The following SOX5 variants were observed in gnomAD, a reference collection of about 807,000 sequenced individuals.
The protein encoded by SOX5 is SRY-box transcription factor 5.
SOX5 carries 9 observed loss-of-function variants against 92.0 expected under a neutral mutation model. The observed-to-expected ratio is 0.10, with a 90% CI of 0.06 to 0.17. The LOEUF is 0.17. Among genes scored for constraint, SOX5 ranks in the 10% least tolerant of loss-of-function variants. SOX5 has a pLI of 1.00. For synonymous variants in SOX5, 344 were observed against 336.3 expected (o/e 1.02, Z -0.25); for missense variants, 642 against 944.5 (o/e 0.68, Z 4.20).
chr12:24,181,209 C>T (rs1458716494), intron 4 of SOX5, among the ~76,000 whole-genome samples: 2 of 152,178 alleles, frequency 1.3e-5, no homozygotes, highest in African/African-American at 4.8e-5. Flanking sequence ...TCACCGTAAA[C>T]ACTGACTTTT....
chr12:23,857,731 C>T (rs1280341928), intron 2 of SOX5, among the ~76,000 whole-genome samples: 3 of 146,386 alleles, frequency 2.0e-5, no homozygotes, highest in Non-Finnish European at 3.0e-5. Flanking sequence ...GAAGTTTTTT[C>T]TTTCTTTTTT....
intron 2 of SOX5, among the ~76,000 whole-genome samples, chr12:24,353,039 G>A (rs963442543): frequency 6.6e-6 from 1 of 152,188 alleles, no homozygotes; most frequent in African/African-American, 2.4e-5. Context: ...TGTAATGCAT[G>A]AGGTGCATGA....
At chr12:23,963,619 A>G (rs1158511370) in intron 4 of SOX5, among the ~76,000 whole-genome samples, 2 of 152,124 alleles carry the variant, frequency 1.3e-5, no homozygotes, top group African/African-American at 4.8e-5. Flanking sequence ...ACAACCGACT[A>G]AATCCTGAGT....
At chr12:24,171,261 T>A (rs1291008717) in intron 4 of SOX5, among the ~76,000 whole-genome samples, 4 of 130,066 alleles carry the variant, frequency 3.1e-5, no homozygotes, top group African/African-American at 8.7e-5. Flanking sequence ...TCTCGCTCTG[T>A]CACCCAGGCT....
At chr12:23,673,756 A>G (rs539937328) in intron 6 of SOX5, among the ~76,000 whole-genome samples, 3 of 152,186 alleles carry the variant, frequency 2.0e-5, no homozygotes, top group African/African-American at 7.2e-5. Context: ...AAAATTACCA[A>G]ATGTCGGGAG....
intron 1 of SOX5, among the ~76,000 whole-genome samples, chr12:24,383,729 G>C (rs1209470682): frequency 6.6e-6 from 1 of 152,158 alleles, no homozygotes; most frequent in South Asian, 2.1e-4. Flanking sequence ...CCAGGGACAG[G>C]TTCTGTAGAA....
intron 1 of SOX5, among the ~76,000 whole-genome samples, chr12:23,942,283 G>A (rs1173545416): frequency 1.3e-5 from 2 of 151,738 alleles, no homozygotes; most frequent in Non-Finnish European, 2.9e-5. Context: ...AATGGTACGT[G>A]AAAGATCTTA....
intron 11 of SOX5, 91 bp downstream of exon 11, chr12:23,563,167 A>C: frequency 9.5e-7 from 1 of 1,057,018 alleles, no homozygotes; most frequent in East Asian, 2.5e-5. Flanking sequence ...CATTTTGAGG[A>C]TGATAAGAAG....
intron 1 of SOX5, among the ~76,000 whole-genome samples, chr12:23,899,199 C>G (rs1237260748): frequency 2.6e-5 from 4 of 151,970 alleles, no homozygotes; most frequent in Non-Finnish European, 4.4e-5. Flanking sequence ...CACATGAGTT[C>G]CAGATCAGCC....
chr12:24,537,381 G>A (rs763842032), intron 1 of SOX5, among the ~76,000 whole-genome samples: 4 of 152,152 alleles, frequency 2.6e-5, no homozygotes, highest in Non-Finnish European at 5.9e-5. Context: ...TGTTCCTCTT[G>A]CATTTCCTAG....
rs1565915131 is a variant in SOX5, at chr12:23,570,933, ATATATATATATATATAT to A, written c.1342+4711_1342+4727del. 0.012 allele frequency among the ~76,000 whole-genome samples: 99 copies of A among 8,214 alleles called. 9 individuals are homozygous for A. In the Middle Eastern group the frequency reaches 0.25, roughly 21 times the overall value. The allele number at this position is 8,214 out of a possible 152,430, so 5.4% of individuals were successfully genotyped here. ...CTCAAAAAAAAAAAAAAAAAAAAAT[ATATATATATATATATAT>A]ATATATATATATATATATATATATA... On this transcript the variant is annotated intron_variant, in intron 10 of 14. Coordinates refer to ENST00000451604, the MANE Select transcript of SOX5 (RefSeq NM_006940.6).
At chr12:24,313,254 C>T (rs1351644346) in intron 2 of SOX5, among the ~76,000 whole-genome samples, 1 of 152,104 alleles carries the variant, frequency 6.6e-6, no homozygotes, top group Non-Finnish European at 1.5e-5. Flanking sequence ...GAAGTTGCTG[C>T]TTCTGGTTCA....
rs528617706 is a variant in SOX5 at position 23,613,117 on chromosome 12, C to T, written c.1018-8584G>A. 3.9e-5 allele frequency among the ~76,000 whole-genome samples: 6 copies of T among 152,200 alleles called. No homozygotes were observed. The South Asian group carries it at 6.2e-4, about 16-fold the overall frequency. ...CTTCAAGTGTAATGCATGAAAACCA[C>T]GATAGGCCTTCACTGTGCTGAATAC... On this transcript the variant is annotated intron_variant, in intron 8 of 14. Transcript: ENST00000451604.
At chr12:23,891,549 CTTTA>C (rs978037894) in intron 2 of SOX5, among the ~76,000 whole-genome samples, 12 of 152,254 alleles carry the variant, frequency 7.9e-5, no homozygotes, top group Admixed American at 3.3e-4. Flanking sequence ...CATCTCTCTT[CTTTA>C]TTTAAGAATG....
chr12:24,156,076 C>T (rs1358715910), intron 4 of SOX5, among the ~76,000 whole-genome samples: 1 of 152,114 alleles, frequency 6.6e-6, no homozygotes, highest in Admixed American at 6.6e-5. Flanking sequence ...AATTTTCCTC[C>T]GAGCACACAT....
chr12:24,162,968 A>G (rs368400179), intron 4 of SOX5, among the ~76,000 whole-genome samples: 2 of 152,152 alleles, frequency 1.3e-5, no homozygotes, highest in East Asian at 3.9e-4. Context: ...TTTGTTTCCA[A>G]TGTAGGTAAA....
At chr12:23,977,644 C>T (rs1257837853) in intron 4 of SOX5, among the ~76,000 whole-genome samples, 1 of 131,848 alleles carries the variant, frequency 7.6e-6, no homozygotes, top group African/African-American at 3.0e-5. Flanking sequence ...GCCGCCTGGT[C>T]GAGAGTCTCG....
At chr12:23,923,167 A>T (rs1030852265) in intron 1 of SOX5, among the ~76,000 whole-genome samples, 1 of 152,018 alleles carries the variant, frequency 6.6e-6, no homozygotes, top group Admixed American at 6.6e-5. Context: ...GGATGGTCTC[A>T]ATCTCCTGAC....
intron 2 of SOX5, among the ~76,000 whole-genome samples, chr12:23,852,392 C>T (rs187908266): frequency 5.3e-5 from 8 of 152,076 alleles, no homozygotes; most frequent in African/African-American, 1.9e-4. Flanking sequence ...AAAAATGGCC[C>T]CATTATACTT....
Sources: gnomAD v4.1 joint callset for allele counts (sites outside exome capture counted in the v4.1 genomes callset) on GRCh38, gnomAD v4.1.1 for gene constraint, MANE v1.5 for transcripts, NCBI Gene and HGNC (gene_info 2026-07-23, HGNC 2026-07-21) for gene names.